The following ZNF487 variants were observed in gnomAD, a reference collection of about 807,000 sequenced individuals.
ZNF487 encodes KRAB domain only 1.
Under a neutral mutation model 3.0 loss-of-function variants are expected in ZNF487, and 4 were observed. That is an observed-to-expected ratio of 1.35 (90% CI 0.66 to 3.08). ZNF487 has a LOEUF of 3.08. Among genes scored for constraint, ZNF487 ranks in the 30% most tolerant of loss-of-function variants. The probability of loss-of-function intolerance (pLI) is 0.01; values close to 1 mark genes in which losing one functional copy is unlikely to be tolerated. For synonymous variants in ZNF487, 55 were observed against 34.6 expected, an observed-to-expected ratio of 1.59 and a Z score of -2.06; for missense variants, 146 against 98.7, an observed-to-expected ratio of 1.48 and a Z score of -2.03.
the ZNF487 span, among the ~76,000 whole-genome samples, chr10:43,496,286 C>A: frequency 6.6e-6 from 1 of 152,134 alleles, no homozygotes; most frequent in Non-Finnish European, 1.5e-5. Context: ...TATAAGGTGA[C>A]CTTTTTTGGT....
the ZNF487 span, among the ~76,000 whole-genome samples, chr10:43,511,774 G>A: frequency 4.6e-5 from 7 of 152,242 alleles, no homozygotes; most frequent in African/African-American, 1.7e-4. Flanking sequence ...TGCTGTCCAC[G>A]GAACGGGTCA....
At chr10:43,444,543 G>A (rs1462482465) in intron 1 of ZNF487, among the ~76,000 whole-genome samples, 5 of 151,986 alleles carry the variant, frequency 3.3e-5, no homozygotes, top group Non-Finnish European at 7.4e-5. Context: ...TGAGCTTCTT[G>A]GAATTATAGG....
chr10:43,517,330 T>G, the ZNF487 span, among the ~76,000 whole-genome samples: 4 of 152,246 alleles, frequency 2.6e-5, no homozygotes, highest in Non-Finnish European at 4.4e-5. Context: ...AGGTGACATA[T>G]TCCTCATTTA....
Position 43,442,268 on chromosome 10 carries a change from CAA to C in ZNF487, c.-94+5015_-94+5016del, listed in dbSNP as rs1215789961. Among the ~76,000 whole-genome samples, 29 of 133,746 alleles carry C rather than the reference CAA, an allele frequency of 2.2e-4. No homozygotes were observed. The East Asian group carries it at 4.7e-3, about 22-fold the overall frequency. 87.7% of individuals were successfully genotyped at this position (133,746 alleles called of 152,430 possible). A position where few individuals can be genotyped will look rare whatever the true frequency, so the allele number is the denominator to read the frequency against. ...ACAACAACAACAACAACAACAACAA[CAA>C]AAAAAAAACAAAGAAAAAAACTCTT... is the stretch of plus-strand genomic sequence containing the variant. On this transcript the variant is annotated intron_variant, in intron 1 of 3. Transcript: ENST00000437590.
chr10:43,499,053 T>C, the ZNF487 span, among the ~76,000 whole-genome samples: 1 of 152,154 alleles, frequency 6.6e-6, no homozygotes, highest in Non-Finnish European at 1.5e-5. Context: ...AGCACATAGG[T>C]CAGTTAGCAG....
At chr10:43,440,657 CAA>C (rs879288811) in intron 1 of ZNF487, among the ~76,000 whole-genome samples, 13 of 133,964 alleles carry the variant, frequency 9.7e-5, no homozygotes, top group Admixed American at 5.4e-4. Flanking sequence ...GACTCTGTCT[CAA>C]AAAAAAAAAA....
chr10:43,491,378 G>A, the ZNF487 span, among the ~76,000 whole-genome samples: 1 of 151,628 alleles, frequency 6.6e-6, no homozygotes, highest in South Asian at 2.1e-4. Flanking sequence ...CCAGGTACCT[G>A]TGTGGGTTCC....
At chr10:43,456,119 G>T (rs1210410267) in intron 1 of ZNF487, among the ~76,000 whole-genome samples, 3 of 152,210 alleles carry the variant, frequency 2.0e-5, no homozygotes, top group African/African-American at 7.2e-5. Flanking sequence ...GGCCTCGTCT[G>T]AACCGTCCAG....
the ZNF487 span, among the ~76,000 whole-genome samples, chr10:43,491,576 C>T: frequency 2.0e-5 from 3 of 151,800 alleles, no homozygotes; most frequent in African/African-American, 2.4e-5. Context: ...ACAGACACTT[C>T]GAGCACAACA....
the ZNF487 span, among the ~76,000 whole-genome samples, chr10:43,502,302 T>C: frequency 6.6e-6 from 1 of 152,106 alleles, no homozygotes; most frequent in Non-Finnish European, 1.5e-5. Context: ...AAACACCGCA[T>C]ATTCTCACTC....
intron 1 of ZNF487, among the ~76,000 whole-genome samples, chr10:43,466,957 C>T (rs921521416): frequency 4.0e-5 from 6 of 151,856 alleles, no homozygotes; most frequent in Non-Finnish European, 7.4e-5. Flanking sequence ...CAACCTCCAC[C>T]TCCTAGGTTT....
rs572214272 is a variant in ZNF487 at position 43,447,190 on chromosome 10, G to C, written c.-94+9928G>C. ...GAAAGCGGGAGACGGAGATGAGGGA[G>C]AGGGGGAGACCGTGGAAAGCGGGAG... On this transcript the variant is annotated intron_variant, in intron 1 of 3. Transcript: ENST00000437590. 1.2e-4 allele frequency among the ~76,000 whole-genome samples: 18 copies of C among 152,124 alleles called. 2 individuals are homozygous for C. Among genetic ancestry groups the C allele is most frequent in the African/African-American group, 4.3e-4 (18 of 41,546 alleles).
chr10:43,478,916 T>C (rs1426294018), intron 3 of ZNF487, among the ~76,000 whole-genome samples: 7 of 151,060 alleles, frequency 4.6e-5, no homozygotes, highest in African/African-American at 1.7e-4. Context: ...TTTTCTTTTT[T>C]TTTTTAATGA....
chr10:43,504,225 A>G, the ZNF487 span, among the ~76,000 whole-genome samples: 1 of 149,230 alleles, frequency 6.7e-6, no homozygotes, highest in African/African-American at 2.5e-5. Context: ...TATGTCTTAT[A>G]TATTTTTTGT....
the ZNF487 span, among the ~76,000 whole-genome samples, chr10:43,517,662 C>T: frequency 1.3e-5 from 2 of 152,202 alleles, no homozygotes; most frequent in Non-Finnish European, 2.9e-5. Flanking sequence ...TTGTGACCCT[C>T]CATACCAGCT....
chr10:43,455,922 C>T (rs1033823023), intron 1 of ZNF487, among the ~76,000 whole-genome samples: 9 of 152,244 alleles, frequency 5.9e-5, no homozygotes, highest in Non-Finnish European at 1.2e-4. Flanking sequence ...TAGCACAGTC[C>T]GGGAGCTGGA....
chr10:43,462,060 G>C (rs1840450633), intron 1 of ZNF487, among the ~76,000 whole-genome samples: 1 of 152,196 alleles, frequency 6.6e-6, no homozygotes, highest in South Asian at 2.1e-4. Context: ...AGTCCTTTTA[G>C]TTAAGGTCAG....
the ZNF487 span, among the ~76,000 whole-genome samples, chr10:43,500,806 G>A: frequency 6.6e-6 from 1 of 152,132 alleles, no homozygotes; most frequent in South Asian, 2.1e-4. Context: ...ACTGGGCCTG[G>A]TCAGCAAGGC....
the ZNF487 span, among the ~76,000 whole-genome samples, chr10:43,519,088 A>AT: frequency 1.1e-4 from 16 of 151,762 alleles, no homozygotes; most frequent in Non-Finnish European, 1.3e-4. Context: ...CTCTCTCAAA[A>AT]ATTTTTTTTT....
Sources: gnomAD v4.1 joint callset for allele counts (sites outside exome capture counted in the v4.1 genomes callset) on GRCh38, gnomAD v4.1.1 for gene constraint, MANE v1.5 for transcripts, NCBI Gene and HGNC (gene_info 2026-07-23, HGNC 2026-07-21) for gene names.